The following SEL1L2 variants were observed in gnomAD, a reference collection of about 807,000 sequenced individuals.
SEL1L2 encodes SEL1L2 adaptor subunit of SYVN1 ubiquitin ligase.
SEL1L2 carries 89 observed loss-of-function variants against 98.8 expected under a neutral mutation model. The ratio of observed to expected loss-of-function variants is 0.90; its 90% CI spans 0.76 to 1.07. The LOEUF is 1.07. Among genes scored for constraint, SEL1L2 ranks in the 50% least tolerant of loss-of-function variants. The probability of loss-of-function intolerance (pLI) is 0.00; values close to 1 mark genes in which losing one functional copy is unlikely to be tolerated. For synonymous variants in SEL1L2, 262 were observed against 278.5 expected (o/e 0.94, Z 0.59); for missense variants, 788 against 812.0 (o/e 0.97, Z 0.36).
chr20:13,905,871 CT>C lies in SEL1L2; in HGVS notation c.549+7910del, dbSNP rs903449859. ...GTAAGACTTATTTCTTTTTCTTTTC[CT>C]TTTTTTTTTTTTTTTTTTTGAGACA... On this transcript the variant is annotated intron_variant, in intron 5 of 19. Transcript: ENST00000284951. 6.0e-3 allele frequency among the ~76,000 whole-genome samples: 743 copies of C among 123,754 alleles called. 3 individuals carry two copies. Among genetic ancestry groups the C allele is most frequent in the Middle Eastern group, 0.039 (9 of 228 alleles). The allele number at this position is 123,754 out of a possible 152,430, so 81.2% of individuals were successfully genotyped here. A position where few individuals can be genotyped will look rare whatever the true frequency, so the allele number is the denominator to read the frequency against.
chr20:13,850,743 G>A (rs756642930), intron 18 of SEL1L2, among the ~76,000 whole-genome samples: 5 of 152,224 alleles, frequency 3.3e-5, no homozygotes, highest in East Asian at 1.9e-4. Context: ...TTTTAGCCTC[G>A]TGAAACCCCA....
intron 4 of SEL1L2, among the ~76,000 whole-genome samples, chr20:13,917,150 G>A (rs559166724): frequency 1.3e-5 from 2 of 152,276 alleles, no homozygotes; most frequent in East Asian, 3.9e-4. Flanking sequence ...TGAAATCTCA[G>A]GGACCAGCCC....
At chr20:13,953,184 G>A (rs1227235328) in intron 2 of SEL1L2, among the ~76,000 whole-genome samples, 1 of 152,110 alleles carries the variant, frequency 6.6e-6, no homozygotes, top group African/African-American at 2.4e-5. Flanking sequence ...CGGGCTTTTG[G>A]CCTCCCTCTC....
intron 12 of SEL1L2, among the ~76,000 whole-genome samples, chr20:13,870,707 G>A (rs1005057570): frequency 5.3e-5 from 8 of 152,104 alleles, no homozygotes; most frequent in Admixed American, 6.5e-5. Flanking sequence ...CAGATCACCT[G>A]AGGTCAGGAG....
chr20:13,969,914 C>T (rs191968905), intron 1 of SEL1L2, among the ~76,000 whole-genome samples: 1 of 152,116 alleles, frequency 6.6e-6, no homozygotes, highest in Non-Finnish European at 1.5e-5. Flanking sequence ...ATCATCCGTT[C>T]TTGGTACATC....
chr20:13,898,301 G>C (rs1307200044), intron 5 of SEL1L2, among the ~76,000 whole-genome samples: 2 of 152,248 alleles, frequency 1.3e-5, no homozygotes, highest in East Asian at 3.9e-4. Context: ...GAGATGGGAG[G>C]CTTATTCCCT....
chr20:13,941,314 C>G (rs1255549459), intron 2 of SEL1L2, among the ~76,000 whole-genome samples: 1 of 152,180 alleles, frequency 6.6e-6, no homozygotes, highest in Non-Finnish European at 1.5e-5. Context: ...GTTTTGATAT[C>G]ACTTCCCCTC....
chr20:13,946,231 T>C lies in SEL1L2; in HGVS notation c.114+9845A>G, dbSNP rs191691249. On this transcript the variant is annotated intron_variant, in intron 2 of 19. Coordinates refer to ENST00000284951, the MANE Select transcript of SEL1L2 (RefSeq NM_025229.2). ...TGTTCACAGAAGATATAATCTCATA[T>C]GTAGAAATCCCTAGAGATTCTACAC... 7.7e-4 allele frequency among the ~76,000 whole-genome samples: 117 copies of C among 152,248 alleles called. 1 individual carries two copies. Among genetic ancestry groups the C allele is most frequent in the Admixed American group, 2.4e-3 (37 of 15,302 alleles).
chr20:13,864,531 A>G (rs1479237703), intron 17 of SEL1L2, among the ~76,000 whole-genome samples: 1 of 152,206 alleles, frequency 6.6e-6, no homozygotes, highest in African/African-American at 2.4e-5. Context: ...AATGCAATGA[A>G]AATACCACCT....
chr20:13,933,963 G>GTTTT (rs55934887), intron 2 of SEL1L2, among the ~76,000 whole-genome samples: 9 of 143,808 alleles, frequency 6.3e-5, no homozygotes, highest in Admixed American at 2.1e-4. Context: ...TAAACCTAAG[G>GTTTT]TTTTTTTTTT....
In SEL1L2 at chr20:13,875,904, T is replaced by A. The variant is rs2046405468; in HGVS notation, c.1104+134A>T. The A allele has an allele frequency of 5.6e-6, 4 of 710,080 alleles. No homozygotes were observed. In the South Asian group the frequency reaches 6.8e-5, roughly 12 times the overall value. 44.0% of individuals were successfully genotyped at this position (710,080 alleles called of 1,614,324 possible). On this transcript the variant is annotated intron_variant, in intron 12 of 19. Coordinates refer to ENST00000284951, the MANE Select transcript of SEL1L2 (RefSeq NM_025229.2). ...CTTACTCCCATCACCAGTATTATACTTCTCCAGGACACAAAACTCCTTACA... is the reference window on the plus strand; with the variant it reads ...CTTACTCCCATCACCAGTATTATACATCTCCAGGACACAAAACTCCTTACA...
intron 5 of SEL1L2, among the ~76,000 whole-genome samples, chr20:13,908,639 G>C (rs1367080651): frequency 6.6e-6 from 1 of 151,996 alleles, no homozygotes; most frequent in Non-Finnish European, 1.5e-5. Flanking sequence ...CATCTTCTAG[G>C]GTATGATTGT....
chr20:13,982,814 A>G (rs912962109), intron 1 of SEL1L2, among the ~76,000 whole-genome samples: 1 of 151,596 alleles, frequency 6.6e-6, no homozygotes, highest in African/African-American at 2.4e-5. Context: ...TTACAAGGTC[A>G]GGAGACTGAG....
chr20:13,977,087 G>A (rs564901218), intron 1 of SEL1L2, among the ~76,000 whole-genome samples: 5 of 152,272 alleles, frequency 3.3e-5, no homozygotes, highest in African/African-American at 1.2e-4. Flanking sequence ...AACACAGGAG[G>A]AAGTAACCTT....
Position 13,990,387 on chromosome 20 carries a change from T to C in SEL1L2, c.58+90A>G, listed in dbSNP as rs374720089. The C allele has an allele frequency of 1.3e-4, 113 of 859,748 alleles. No homozygotes were observed. The Middle Eastern group carries it at 3.7e-3, about 29-fold the overall frequency. The allele number at this position is 859,748 out of a possible 1,614,324, so 53.3% of individuals were successfully genotyped here. A position where few individuals can be genotyped will look rare whatever the true frequency, so the allele number is the denominator to read the frequency against. On this transcript the variant is annotated intron_variant, in intron 1 of 19. Transcript: ENST00000284951. ...TTAGTTAGGGATATAGTAAAGTTAC[T>C]TCTAGTCTTTTAATTGGCTTCTGCC... is the stretch of plus-strand genomic sequence containing the variant.
chr20:13,849,718 C>T (rs1692663697), intron 19 of SEL1L2, 114 bp from the exon 20 acceptor site: 3 of 1,279,996 alleles, frequency 2.3e-6, no homozygotes, highest in Non-Finnish European at 3.2e-6. Flanking sequence ...ATTCCCTTTG[C>T]TTCCTTCAGT....
intron 1 of SEL1L2, among the ~76,000 whole-genome samples, chr20:13,956,789 C>G (rs906017437): frequency 2.0e-4 from 31 of 151,958 alleles, no homozygotes; most frequent in African/African-American, 7.2e-4. Context: ...CTTAGAGAAA[C>G]AAGTCGGAAA....
intron 1 of SEL1L2, among the ~76,000 whole-genome samples, chr20:13,963,906 C>T (rs2050901648): frequency 6.6e-6 from 1 of 152,064 alleles, no homozygotes; most frequent in Non-Finnish European, 1.5e-5. Context: ...GACTTTTGCT[C>T]TGTCACCCAG....
In SEL1L2 at chr20:13,907,909, A is replaced by G. The variant is rs556519993; in HGVS notation, c.549+5873T>C. 3.3e-5 allele frequency among the ~76,000 whole-genome samples: 5 copies of G among 150,238 alleles called. No homozygotes were observed. The East Asian group carries it at 9.9e-4, about 30-fold the overall frequency. ...CAGCCTCCCAAGTGGCTGGGACTACAGGCACATCCCGGCACGTGCCAGCAC... is the reference window on the plus strand; with the variant it reads ...CAGCCTCCCAAGTGGCTGGGACTACGGGCACATCCCGGCACGTGCCAGCAC... On this transcript the variant is annotated intron_variant, in intron 5 of 19. Coordinates refer to ENST00000284951, the MANE Select transcript of SEL1L2 (RefSeq NM_025229.2).
Sources: allele counts gnomAD v4.1 joint callset (sites outside exome capture counted in the v4.1 genomes callset), GRCh38; gene constraint gnomAD v4.1.1; transcripts MANE v1.5; gene names NCBI Gene and HGNC (gene_info 2026-07-23, HGNC 2026-07-21).